WDPCP: variants seen among roughly 807,000 people sequenced by gnomAD.
WDPCP encodes WD repeat containing planar cell polarity effector.
WDPCP carries 71 observed loss-of-function variants against 93.1 expected under a neutral mutation model. The observed-to-expected ratio is 0.76, with a 90% confidence interval of 0.63 to 0.93. The LOEUF is 0.93. Among genes scored for constraint, WDPCP ranks in the 40% least tolerant of loss-of-function variants. WDPCP has a pLI of 0.00. For missense variants in WDPCP, 844 were observed against 887.4 expected, an observed-to-expected ratio of 0.95 and a Z score of 0.62; for synonymous variants, 315 against 315.0, an observed-to-expected ratio of 1.00 and a Z score of 0.00.
chr2:63,181,798 A>T (rs1674262928), intron 14 of WDPCP, among the ~76,000 whole-genome samples: 1 of 151,324 alleles, frequency 6.6e-6, no homozygotes. Flanking sequence ...AATGATATTG[A>T]TTTTTGTGAT....
At chr2:63,456,370 T>C (rs1000333579) in intron 6 of WDPCP, among the ~76,000 whole-genome samples, 15 of 152,128 alleles carry the variant, frequency 9.9e-5, no homozygotes, top group African/African-American at 3.6e-4. Context: ...TGAGCCAAGA[T>C]TGCGCCACTG....
intron 3 of WDPCP, among the ~76,000 whole-genome samples, chr2:63,606,512 A>G (rs1709532836): frequency 6.6e-6 from 1 of 152,214 alleles, no homozygotes; most frequent in Non-Finnish European, 1.5e-5. Flanking sequence ...TTAATCTGGA[A>G]AGGAAGATTC....
At chr2:63,145,181 C>T (rs1000706425) in intron 17 of WDPCP, among the ~76,000 whole-genome samples, 4 of 152,112 alleles carry the variant, frequency 2.6e-5, no homozygotes, top group African/African-American at 7.2e-5. Context: ...TGATGGACTC[C>T]GTGAGGGTTC....
chr2:63,793,578 C>T (rs1179875462), intron 2 of WDPCP, among the ~76,000 whole-genome samples: 1 of 151,976 alleles, frequency 6.6e-6, no homozygotes, highest in Non-Finnish European at 1.5e-5. Context: ...GCCATTGCAC[C>T]TAAGCCCGGG....
chr2:63,559,561 T>C (rs193160523), intron 1 of WDPCP, among the ~76,000 whole-genome samples: 13 of 152,310 alleles, frequency 8.5e-5, no homozygotes, highest in Admixed American at 3.9e-4. Flanking sequence ...GGCTGATAAG[T>C]AACTTCTGCA....
intron 3 of WDPCP, among the ~76,000 whole-genome samples, chr2:63,612,293 G>A (rs575678088): frequency 6.6e-6 from 1 of 152,264 alleles, no homozygotes; most frequent in African/African-American, 2.4e-5. Context: ...AAATGTTTTT[G>A]TGAGGATTAT....
intron 2 of WDPCP, among the ~76,000 whole-genome samples, chr2:63,778,613 T>C (rs1670340134): frequency 6.6e-6 from 1 of 152,222 alleles, no homozygotes; most frequent in African/African-American, 2.4e-5. Flanking sequence ...CTGTGTCTTA[T>C]GTTGTTCCTG....
rs1697259206 is a variant in WDPCP at position 63,438,065 on chromosome 2, A to T, written c.500-511T>A. The T allele has an allele frequency of 2.6e-6, 3 of 1,142,982 alleles. No homozygotes were observed. In the East Asian group the frequency reaches 9.8e-5, roughly 37 times the overall value. 70.8% of individuals were successfully genotyped at this position (1,142,982 alleles called of 1,614,324 possible). A position where few individuals can be genotyped will look rare whatever the true frequency, so the allele number is the denominator to read the frequency against. ...GCTGGATGAAATAAAGCATATTATG[A>T]CCAATATGTACATTACATAAATTAA... On this transcript the variant is annotated intron_variant, in intron 7 of 17. Transcript: ENST00000272321.
intron 1 of WDPCP, among the ~76,000 whole-genome samples, chr2:63,505,990 G>A (rs1459298758): frequency 6.6e-6 from 1 of 151,998 alleles, no homozygotes; most frequent in African/African-American, 2.4e-5. Context: ...ACAAAGAAGA[G>A]AGTTAAAATT....
intron 17 of WDPCP, 37 bp from the exon 18 acceptor site, chr2:63,122,093 G>A (rs1299197050): frequency 6.7e-7 from 1 of 1,496,412 alleles, no homozygotes; most frequent in Non-Finnish European, 9.3e-7. Context: ...TTTAAGCAGA[G>A]TAAAAAGTAA....
At chr2:63,789,329 C>T (rs774787717) in intron 2 of WDPCP, among the ~76,000 whole-genome samples, 22 of 152,052 alleles carry the variant, frequency 1.4e-4, no homozygotes, top group Non-Finnish European at 3.1e-4. Context: ...TTAGCAAGGG[C>T]CCCCAAATTA....
intron 2 of WDPCP, among the ~76,000 whole-genome samples, chr2:63,692,869 A>G (rs1192997341): frequency 6.6e-6 from 1 of 152,198 alleles, no homozygotes; most frequent in African/African-American, 2.4e-5. Flanking sequence ...TTGTTTCTAG[A>G]TTTTAATTGA....
At chr2:63,703,362 T>C (rs1669093305) in intron 2 of WDPCP, among the ~76,000 whole-genome samples, 1 of 152,126 alleles carries the variant, frequency 6.6e-6, no homozygotes, top group Non-Finnish European at 1.5e-5. Context: ...TTCCTATTTC[T>C]CCACATCCTC....
At chr2:63,448,437 AAC>A (rs35247066) in intron 6 of WDPCP, among the ~76,000 whole-genome samples, 24,200 of 148,614 alleles carry the variant, frequency 0.16, 2,329 homozygotes, top group Non-Finnish European at 0.23. Context: ...AAAATACATC[AAC>A]ACACACACAC....
At chr2:63,548,272 T>C (rs570057736) in intron 1 of WDPCP, among the ~76,000 whole-genome samples, 8 of 152,198 alleles carry the variant, frequency 5.3e-5, no homozygotes, top group South Asian at 4.2e-4. Context: ...CCTGGTACAG[T>C]TGTATTAATA....
At chr2:63,539,882 CTT>C (rs1432270784) in intron 1 of WDPCP, among the ~76,000 whole-genome samples, 20 of 152,190 alleles carry the variant, frequency 1.3e-4, no homozygotes, top group Admixed American at 1.2e-3. Flanking sequence ...TTAGTCATCT[CTT>C]GAGTTATTCA....
At chr2:63,671,529 A>G (rs2604617) in intron 2 of WDPCP, among the ~76,000 whole-genome samples, 123,563 of 151,866 alleles carry the variant, frequency 0.81, 50,855 homozygotes, top group East Asian at 0.98. Context: ...TTTCTTTCAC[A>G]AGTGGTCCCC....
chr2:63,779,639 G>A (rs942530538), intron 2 of WDPCP, among the ~76,000 whole-genome samples: 4 of 152,112 alleles, frequency 2.6e-5, no homozygotes, highest in Non-Finnish European at 5.9e-5. Flanking sequence ...CTCTAGGTGC[G>A]TATATCCTTG....
chr2:63,322,929 C>T (rs1051427955), intron 12 of WDPCP, among the ~76,000 whole-genome samples: 2 of 152,232 alleles, frequency 1.3e-5, no homozygotes, highest in Non-Finnish European at 2.9e-5. Context: ...AAGCTACTAG[C>T]GCAGCTGCCA....
Sources: allele counts gnomAD v4.1 joint callset (sites outside exome capture counted in the v4.1 genomes callset), GRCh38; gene constraint gnomAD v4.1.1; transcripts MANE v1.5; gene names NCBI Gene and HGNC (gene_info 2026-07-23, HGNC 2026-07-21).